The following GMDS variants were observed in gnomAD, a reference collection of about 807,000 sequenced individuals.
GMDS encodes the protein GDP-mannose 4,6-dehydratase.
Under a neutral mutation model 49.9 loss-of-function variants are expected in GMDS, and 20 were observed. The observed-to-expected ratio is 0.40, with a 90% CI of 0.28 to 0.58. GMDS has a LOEUF of 0.58. Among genes scored for constraint, GMDS ranks in the 20% least tolerant of loss-of-function variants. The pLI is 0.42. For missense variants in GMDS, 362 were observed against 481.4 expected, an observed-to-expected ratio of 0.75 and a Z score of 2.32; for synonymous variants, 177 against 178.6, an observed-to-expected ratio of 0.99 and a Z score of 0.07.
intron 1 of GMDS, chr6:2,176,044 G>A (rs1778267758): frequency 1.3e-6 from 2 of 1,493,082 alleles, no homozygotes; most frequent in Non-Finnish European, 1.8e-6. Flanking sequence ...CTGTCAAGAG[G>A]CTGAAGACAG....
At chr6:2,125,575 C>T (rs1775384658) in intron 1 of GMDS, among the ~76,000 whole-genome samples, 2 of 151,544 alleles carry the variant, frequency 1.3e-5, no homozygotes, top group Admixed American at 1.3e-4. Context: ...GCCTGGGTGG[C>T]AGAGGGAGAC....
intron 1 of GMDS, among the ~76,000 whole-genome samples, chr6:2,172,995 CAAACAT>C (rs1778094932): frequency 6.6e-6 from 1 of 152,070 alleles, no homozygotes; most frequent in Non-Finnish European, 1.5e-5. Flanking sequence ...AAGTTCCAAA[CAAACAT>C]AAACTGTACA....
intron 7 of GMDS, among the ~76,000 whole-genome samples, chr6:1,817,760 A>C (rs1410158330): frequency 6.6e-6 from 1 of 152,180 alleles, no homozygotes; most frequent in South Asian, 2.1e-4. Context: ...TCTGCATGCT[A>C]TTCACGTGAC....
chr6:1,826,466 A>G (rs754304943), intron 7 of GMDS, among the ~76,000 whole-genome samples: 5 of 152,238 alleles, frequency 3.3e-5, no homozygotes, highest in Non-Finnish European at 5.9e-5. Flanking sequence ...AGGTTCTAAA[A>G]TTATTTTAAG....
chr6:1,625,632 AGACT>A (rs1253665065), intron 9 of GMDS: 2 of 152,274 alleles, frequency 1.3e-5, no homozygotes, highest in African/African-American at 2.4e-5. Context: ...AGCTCTGTGA[AGACT>A]GACTGACATG....
intron 8 of GMDS, among the ~76,000 whole-genome samples, chr6:1,732,443 CAT>C (rs1185760440): frequency 6.6e-6 from 1 of 152,138 alleles, no homozygotes; most frequent in Non-Finnish European, 1.5e-5. Flanking sequence ...AAAATTAAAA[CAT>C]AACAATTGAG....
intron 4 of GMDS, among the ~76,000 whole-genome samples, chr6:2,049,111 T>C (rs993356693): frequency 2.6e-5 from 4 of 152,216 alleles, no homozygotes; most frequent in African/African-American, 9.6e-5. Context: ...ATCTTGTGAC[T>C]TCCCGGCCTC....
At chr6:1,943,852 G>A (rs1418542697) in intron 6 of GMDS, among the ~76,000 whole-genome samples, 3 of 152,184 alleles carry the variant, frequency 2.0e-5, no homozygotes, top group Non-Finnish European at 2.9e-5. Context: ...AAATAGAGGA[G>A]GGATGTGAGA....
chr6:2,002,445 T>C (rs1408924971), intron 4 of GMDS, among the ~76,000 whole-genome samples: 4 of 152,232 alleles, frequency 2.6e-5, no homozygotes, highest in African/African-American at 9.6e-5. Flanking sequence ...TCATAATCCT[T>C]TCTTACCTTT....
At chr6:1,832,841 C>A (rs1756727649) in intron 7 of GMDS, among the ~76,000 whole-genome samples, 2 of 152,300 alleles carry the variant, frequency 1.3e-5, no homozygotes, top group Middle Eastern at 3.4e-3. Context: ...CTGCCACAGA[C>A]CTGATGAGCT....
At chr6:1,708,023 T>G (rs1290664350) in intron 9 of GMDS, among the ~76,000 whole-genome samples, 1 of 151,862 alleles carries the variant, frequency 6.6e-6, no homozygotes, top group African/African-American at 2.4e-5. Context: ...TTTTCTGGAG[T>G]AAGGTAAGGT....
chr6:1,800,732 G>T (rs150852354), intron 7 of GMDS, among the ~76,000 whole-genome samples: 1 of 151,870 alleles, frequency 6.6e-6, no homozygotes, highest in Non-Finnish European at 1.5e-5. Flanking sequence ...CAAAGTGCTG[G>T]GATTAGACAT....
At chr6:2,096,077 G>A (rs940387376) in intron 4 of GMDS, among the ~76,000 whole-genome samples, 1 of 152,176 alleles carries the variant, frequency 6.6e-6, no homozygotes, top group African/African-American at 2.4e-5. Context: ...AGGATAGGAA[G>A]AGGCATTTGA....
chr6:2,209,570 T>TACACATACAC (rs1554098265), intron 1 of GMDS, among the ~76,000 whole-genome samples: 4 of 135,880 alleles, frequency 2.9e-5, no homozygotes, highest in African/African-American at 1.1e-4. Context: ...CACATACACA[T>TACACATACAC]ACACACACAC....
At chr6:1,783,805 A>T (rs932462719) in intron 7 of GMDS, among the ~76,000 whole-genome samples, 2 of 152,224 alleles carry the variant, frequency 1.3e-5, no homozygotes, top group Non-Finnish European at 2.9e-5. Flanking sequence ...CACATTAATA[A>T]GCTTCAAATA....
At chr6:2,150,036 C>T (rs973117728) in intron 1 of GMDS, among the ~76,000 whole-genome samples, 5 of 152,068 alleles carry the variant, frequency 3.3e-5, no homozygotes, top group East Asian at 3.9e-4. Flanking sequence ...ACAATATGCT[C>T]AAGGCAAACA....
intron 1 of GMDS, among the ~76,000 whole-genome samples, chr6:2,152,972 T>C (rs1776913463): frequency 6.6e-6 from 1 of 152,036 alleles, no homozygotes; most frequent in Non-Finnish European, 1.5e-5. Flanking sequence ...CCCAGCTACT[T>C]GGGAAGCTGA....
chr6:2,000,911 C>T lies in GMDS; in HGVS notation c.346-39945G>A, dbSNP rs114135431. On this transcript the variant is annotated intron_variant, in intron 4 of 10. Coordinates refer to ENST00000380815, the MANE Select transcript of GMDS (RefSeq NM_001500.4). ...ATCCATTAACCAGCCGATGGACATT[C>T]GGATTGTTTCTATATTTTAGCTGCT... Among the ~76,000 whole-genome samples the T allele has an allele frequency of 2.9e-3, 434 of 152,272 alleles. 4 individuals carry two copies. The highest frequency in any genetic ancestry group is 0.01 in the African/African-American group (425 of 41,550).
At position 2,070,794 on chromosome 6, in the gene GMDS, C is replaced by T. The variant is rs531228844; in HGVS notation, c.345+44977G>A. On this transcript the variant is annotated intron_variant, in intron 4 of 10. Transcript: ENST00000380815. ...CAACTCCTACTTTTCCATTTCTGTT[C>T]CTTCTGCAGTTCTTCCAATTCCTGA... Among the ~76,000 whole-genome samples the T allele has an allele frequency of 2.0e-5, 3 of 152,282 alleles. No homozygotes were observed. In the South Asian group the frequency reaches 6.2e-4, roughly 32 times the overall value.
Sources: gnomAD v4.1 joint callset for allele counts (sites outside exome capture counted in the v4.1 genomes callset) on GRCh38, gnomAD v4.1.1 for gene constraint, MANE v1.5 for transcripts, NCBI Gene and HGNC (gene_info 2026-07-23, HGNC 2026-07-21) for gene names.